Variants in RIT2 observed in about 807,000 individuals in gnomAD.
The protein encoded by RIT2 is Ras like without CAAX 2.
A neutral mutation model predicts 23.7 loss-of-function variants in RIT2; 24 were observed. The ratio of observed to expected loss-of-function variants is 1.01; its 90% CI spans 0.73 to 1.43. The LOEUF (loss-of-function observed/expected upper bound fraction) is 1.43, where lower values mean the gene tolerates loss of function less well. RIT2 is among the 40% of genes most tolerant of loss of function. The probability of loss-of-function intolerance (pLI) is 0.00; values close to 1 mark genes in which losing one functional copy is unlikely to be tolerated. For synonymous variants in RIT2, 107 were observed against 91.1 expected, an observed-to-expected ratio of 1.17 and a Z score of -0.99; for missense variants, 236 against 266.9, an observed-to-expected ratio of 0.88 and a Z score of 0.81.
chr18:42,950,548 C>T (rs2144171843), intron 3 of RIT2, among the ~76,000 whole-genome samples: 1 of 152,038 alleles, frequency 6.6e-6, no homozygotes, highest in South Asian at 2.1e-4. Context: ...CAAGTGGGAG[C>T]TGATTAAACT....
In RIT2 at chr18:42,975,159, G is replaced by A. The variant is rs191860853; in HGVS notation, c.161-1012C>T. On this transcript the variant is annotated intron_variant, in intron 2 of 4. Coordinates refer to ENST00000326695, the MANE Select transcript of RIT2 (RefSeq NM_002930.4). ...TGACTTTTAAATGGCCACTCTGACT[G>A]GTGTGAGATGGTATCTCATTGTGTT... Among the ~76,000 whole-genome samples, 522 of 152,154 alleles carry A rather than the reference G, an allele frequency of 3.4e-3. 2 individuals are homozygous for A. Among genetic ancestry groups the A allele is most frequent in the Non-Finnish European group, 5.5e-3 (377 of 67,978 alleles).
intron 2 of RIT2, among the ~76,000 whole-genome samples, chr18:42,990,508 ACTC>A (rs1910817212): frequency 6.6e-6 from 1 of 152,124 alleles, no homozygotes; most frequent in Non-Finnish European, 1.5e-5. Flanking sequence ...AAACCGTTAC[ACTC>A]CCTATTGAAC....
At chr18:42,795,539 C>A (rs913401512) in intron 4 of RIT2, among the ~76,000 whole-genome samples, 1 of 152,216 alleles carries the variant, frequency 6.6e-6, no homozygotes. Flanking sequence ...TCCTGTGCGC[C>A]TGAGCCTCCC....
At chr18:42,812,410 C>T (rs1284017065) in intron 4 of RIT2, among the ~76,000 whole-genome samples, 1 of 152,036 alleles carries the variant, frequency 6.6e-6, no homozygotes, top group Non-Finnish European at 1.5e-5. Context: ...TGTTTTAAGT[C>T]CTTTAAAGTC....
chr18:43,101,725 G>C (rs2144238802), intron 1 of RIT2, among the ~76,000 whole-genome samples: 1 of 152,272 alleles, frequency 6.6e-6, no homozygotes, highest in East Asian at 1.9e-4. Flanking sequence ...TCCTGTCATA[G>C]CAAAGTATTT....
At chr18:42,811,619 T>G (rs1008086754) in intron 4 of RIT2, among the ~76,000 whole-genome samples, 1 of 152,042 alleles carries the variant, frequency 6.6e-6, no homozygotes, top group African/African-American at 2.4e-5. Flanking sequence ...AAATATCTAA[T>G]AACTAAAAAT....
chr18:42,811,005 C>T (rs1905834925), intron 4 of RIT2, among the ~76,000 whole-genome samples: 1 of 152,014 alleles, frequency 6.6e-6, no homozygotes, highest in Non-Finnish European at 1.5e-5. Context: ...GCCATTCTCT[C>T]ACTTTGGGAT....
At chr18:43,029,029 A>C (rs1911795340) in intron 2 of RIT2, among the ~76,000 whole-genome samples, 2 of 152,102 alleles carry the variant, frequency 1.3e-5, no homozygotes, top group African/African-American at 2.4e-5. Context: ...GCACGAGGCT[A>C]TCTGCAGATG....
intron 4 of RIT2, among the ~76,000 whole-genome samples, chr18:42,902,630 T>A (rs970699823): frequency 6.6e-6 from 1 of 151,496 alleles, no homozygotes; most frequent in African/African-American, 2.4e-5. Context: ...GGAGGGCCAT[T>A]GAGGTATACA....
chr18:42,912,973 A>C (rs926823980), intron 4 of RIT2, among the ~76,000 whole-genome samples: 7 of 151,916 alleles, frequency 4.6e-5, no homozygotes, highest in African/African-American at 1.7e-4. Flanking sequence ...AAGAAGAAAA[A>C]CGAGGGAGGA....
chr18:42,851,614 G>A (rs1439058219), intron 4 of RIT2, among the ~76,000 whole-genome samples: 1 of 152,160 alleles, frequency 6.6e-6, no homozygotes, highest in African/African-American at 2.4e-5. Flanking sequence ...GACTTTGGGA[G>A]GTCGAGTCAG....
chr18:42,930,378 A>C (rs1054688748), intron 3 of RIT2, among the ~76,000 whole-genome samples: 3 of 152,112 alleles, frequency 2.0e-5, no homozygotes, highest in Non-Finnish European at 1.5e-5. Context: ...CACAATAAAA[A>C]AAAATGAAGA....
At chr18:42,835,505 T>C (rs1337154195) in intron 4 of RIT2, among the ~76,000 whole-genome samples, 1 of 152,148 alleles carries the variant, frequency 6.6e-6, no homozygotes, top group Non-Finnish European at 1.5e-5. Context: ...TTTCAAAAAC[T>C]TCTCCTGCTA....
chr18:42,979,098 C>G (rs1299879537), intron 2 of RIT2, among the ~76,000 whole-genome samples: 1 of 151,994 alleles, frequency 6.6e-6, no homozygotes, highest in Non-Finnish European at 1.5e-5. Context: ...CCAAGTAAAT[C>G]ATAAACTTTT....
At chr18:43,087,436 TG>T (rs1385430192) in intron 1 of RIT2, among the ~76,000 whole-genome samples, 1 of 152,126 alleles carries the variant, frequency 6.6e-6, no homozygotes, top group Non-Finnish European at 1.5e-5. Flanking sequence ...TAGATAATCC[TG>T]GGAGGCACCT....
At chr18:43,092,789 A>C (rs1913455329) in intron 1 of RIT2, among the ~76,000 whole-genome samples, 1 of 152,074 alleles carries the variant, frequency 6.6e-6, no homozygotes. Context: ...TGCAAGCAAC[A>C]TAATATTATT....
chr18:43,066,828 A>G (rs1912781298), intron 1 of RIT2, among the ~76,000 whole-genome samples: 1 of 151,762 alleles, frequency 6.6e-6, no homozygotes, highest in African/African-American at 2.4e-5. Flanking sequence ...AGAAGAAAGG[A>G]CAGCATGGAT....
At chr18:42,777,297 AAAAAG>A (rs1425425274) in intron 4 of RIT2, among the ~76,000 whole-genome samples, 9 of 150,962 alleles carry the variant, frequency 6.0e-5, no homozygotes, top group East Asian at 1.9e-4. Context: ...AAAAAAAAAA[AAAAAG>A]AAAGAGAGAA....
intron 3 of RIT2, among the ~76,000 whole-genome samples, chr18:42,932,151 G>A (rs1006264035): frequency 1.3e-5 from 2 of 152,104 alleles, no homozygotes; most frequent in Admixed American, 1.3e-4. Context: ...TAGAAATGAG[G>A]AAAGTGGTCA....
Sources: allele counts gnomAD v4.1 joint callset (sites outside exome capture counted in the v4.1 genomes callset), GRCh38; gene constraint gnomAD v4.1.1; transcripts MANE v1.5; gene names NCBI Gene and HGNC (gene_info 2026-07-23, HGNC 2026-07-21).